MAP4K5: variants seen among roughly 807,000 people sequenced by gnomAD.
MAP4K5 encodes the protein MAPK/ERK kinase kinase kinase 5.
In MAP4K5, 82 loss-of-function variants were observed where a neutral mutation model predicts 135.6. The observed-to-expected ratio is 0.60, with a 90% CI of 0.51 to 0.73. The LOEUF (loss-of-function observed/expected upper bound fraction) is 0.73. MAP4K5 is among the 30% of genes least tolerant of loss of function. The probability of loss-of-function intolerance (pLI) is 0.00; values close to 1 mark genes in which losing one functional copy is unlikely to be tolerated. For missense variants in MAP4K5, 907 were observed against 1,010.9 expected (o/e 0.90, Z 1.39); for synonymous variants, 347 against 335.0 (o/e 1.04, Z -0.39).
intron 13 of MAP4K5, among the ~76,000 whole-genome samples, chr14:50,461,052 G>T (rs1406703305): frequency 6.6e-6 from 1 of 152,138 alleles, no homozygotes; most frequent in Non-Finnish European, 1.5e-5. Flanking sequence ...TAAAGACAAA[G>T]TCTCACTCTG....
At chr14:50,510,337 G>A (rs751275037) in intron 2 of MAP4K5, among the ~76,000 whole-genome samples, 4 of 151,988 alleles carry the variant, frequency 2.6e-5, no homozygotes, top group African/African-American at 4.8e-5. Context: ...TCCTTTCCCC[G>A]CCTCCCTCCC....
chr14:50,518,083 C>G (rs1232344674), intron 2 of MAP4K5, among the ~76,000 whole-genome samples: 1 of 151,956 alleles, frequency 6.6e-6, no homozygotes, highest in Non-Finnish European at 1.5e-5. Context: ...GATTTTAGAT[C>G]CATATAAGAA....
In MAP4K5 at chr14:50,431,973, G is replaced by A. The variant is rs1456633397; in HGVS notation, c.2164+2421C>T. ...ACACAGAATTTTATATAATATTTTG[G>A]GGTGTTTGTGGACCTTCTAAAGCTT... On this transcript the variant is annotated intron_variant, in intron 28 of 32. Transcript: ENST00000682126. 1.3e-5 allele frequency among the ~76,000 whole-genome samples: 2 copies of A among 152,084 alleles called. 1 individual carries two copies. Among genetic ancestry groups the A allele is most frequent in the East Asian group, 3.9e-4 (2 of 5,194 alleles).
chr14:50,439,644 A>G (rs909493145), intron 23 of MAP4K5, among the ~76,000 whole-genome samples: 3 of 152,216 alleles, frequency 2.0e-5, no homozygotes, highest in African/African-American at 7.2e-5. Context: ...TGACTTGTTC[A>G]GGATCGCAGA....
At chr14:50,496,938 CTCT>C (rs1224979438) in intron 3 of MAP4K5, among the ~76,000 whole-genome samples, 1 of 152,072 alleles carries the variant, frequency 6.6e-6, no homozygotes, top group Non-Finnish European at 1.5e-5. Flanking sequence ...AAAATTAGAT[CTCT>C]TAATTAATAT....
At chr14:50,469,970 A>T (rs2036919534) in intron 9 of MAP4K5, among the ~76,000 whole-genome samples, 1 of 152,234 alleles carries the variant, frequency 6.6e-6, no homozygotes, top group Non-Finnish European at 1.5e-5. Flanking sequence ...TGTATACTAA[A>T]AATGTGAACA....
chr14:50,436,260 C>T (rs2036089839), intron 26 of MAP4K5, among the ~76,000 whole-genome samples: 1 of 152,054 alleles, frequency 6.6e-6, no homozygotes, highest in Non-Finnish European at 1.5e-5. Context: ...AGAACTTAAC[C>T]TCACCCAAAA....
At chr14:50,473,716 CTTTTTTTT>C (rs398077753) in intron 9 of MAP4K5, among the ~76,000 whole-genome samples, 23,501 of 95,980 alleles carry the variant, frequency 0.24, 2,193 homozygotes, top group Middle Eastern at 0.41. Flanking sequence ...TTTGGTTTCA[CTTTTTTTT>C]TTTTTTTTTT....
At chr14:50,494,968 C>T (rs753023963) in intron 3 of MAP4K5, among the ~76,000 whole-genome samples, 1 of 152,122 alleles carries the variant, frequency 6.6e-6, no homozygotes, top group Non-Finnish European at 1.5e-5. Flanking sequence ...CCCAAATTAT[C>T]AAACTCCTAG....
chr14:50,480,295 G>C (rs2037208457), intron 6 of MAP4K5, among the ~76,000 whole-genome samples: 1 of 151,698 alleles, frequency 6.6e-6, no homozygotes, highest in African/African-American at 2.4e-5. Flanking sequence ...TATCCTTTGA[G>C]TTACAAGCAA....
intron 2 of MAP4K5, among the ~76,000 whole-genome samples, chr14:50,526,102 T>G (rs1483898837): frequency 3.3e-5 from 5 of 152,170 alleles, no homozygotes; most frequent in African/African-American, 4.8e-5. Context: ...GGAATATCTT[T>G]TCCTATCTTC....
intron 2 of MAP4K5, among the ~76,000 whole-genome samples, chr14:50,525,505 C>T (rs1342371267): frequency 6.6e-6 from 1 of 152,072 alleles, no homozygotes. Flanking sequence ...TTTGTAAAAT[C>T]CTTACACTAC....
At chr14:50,541,046 C>T (rs1278023847) in intron 2 of MAP4K5, among the ~76,000 whole-genome samples, 1 of 152,154 alleles carries the variant, frequency 6.6e-6, no homozygotes, top group African/African-American at 2.4e-5. Context: ...TTTACTAGAG[C>T]AAATCAGAAC....
chr14:50,429,952 A>G (rs1190299117), intron 28 of MAP4K5, among the ~76,000 whole-genome samples: 1 of 152,154 alleles, frequency 6.6e-6, no homozygotes, highest in Non-Finnish European at 1.5e-5. Context: ...GATTGTTTCA[A>G]TGGTCTAGCT....
intron 5 of MAP4K5, among the ~76,000 whole-genome samples, chr14:50,485,086 G>A (rs768922328): frequency 6.6e-6 from 1 of 152,048 alleles, no homozygotes; most frequent in Non-Finnish European, 1.5e-5. Flanking sequence ...AACAGTATTA[G>A]ACTGTAATGT....
At position 50,468,749 on chromosome 14, in the gene MAP4K5, A is replaced by C. The variant is rs919542922; in HGVS notation, c.576T>G (p.Asn192Lys). The C allele has an allele frequency of 6.2e-7, 1 of 1,611,904 alleles. No homozygotes were observed. Among genetic ancestry groups the C allele is most frequent in the Non-Finnish European group, 8.5e-7 (1 of 1,178,848 alleles). Residue 192 changes from asparagine (N) to lysine (K), a missense_variant, in exon 10 of 33, where the codon AAT becomes AAG. Transcript: ENST00000682126. ...MAPEVAAVEK[N>K]GGYNQLCDIW... The stretch of plus-strand genomic sequence containing the variant: ...TATCACAGAGTTGGTTGTAGCCACC[A>C]TTCTTCTCTACTGCTGCAACTTCTG...
chr14:50,476,236 T>C, intron 7 of MAP4K5, 23 bp downstream of exon 7: 1 of 1,485,534 alleles, frequency 6.7e-7, no homozygotes, highest in Non-Finnish European at 9.1e-7. Context: ...AATTGGCAAT[T>C]TAAATGTATT....
chr14:50,512,501 C>T (rs1007611928), intron 2 of MAP4K5, among the ~76,000 whole-genome samples: 1 of 151,978 alleles, frequency 6.6e-6, no homozygotes, highest in Admixed American at 6.5e-5. Context: ...AAGTAAAATG[C>T]AAAAAATACA....
intron 30 of MAP4K5, among the ~76,000 whole-genome samples, chr14:50,426,247 A>G (rs1476644702): frequency 6.6e-6 from 1 of 152,202 alleles, no homozygotes; most frequent in African/African-American, 2.4e-5. Flanking sequence ...ATGTTGGCAT[A>G]TTCATTTCTT....
Sources: gnomAD v4.1 joint callset for allele counts (sites outside exome capture counted in the v4.1 genomes callset) on GRCh38, gnomAD v4.1.1 for gene constraint, MANE v1.5 for transcripts, NCBI Gene and HGNC (gene_info 2026-07-23, HGNC 2026-07-21) for gene names.